The following WASL variants were observed in gnomAD, a reference collection of about 807,000 sequenced individuals.
The protein encoded by WASL is actin nucleation-promoting factor WASL.
WASL carries 20 observed loss-of-function variants against 55.5 expected under a neutral mutation model. That is an observed-to-expected ratio of 0.36 (90% CI 0.25 to 0.52). WASL has a LOEUF of 0.52. WASL is among the 20% of genes least tolerant of loss of function. The pLI is 0.92. For missense variants in WASL, 504 were observed against 622.5 expected (o/e 0.81, Z 2.03); for synonymous variants, 249 against 217.6 (o/e 1.14, Z -1.27).
intron 5 of WASL, among the ~76,000 whole-genome samples, chr7:123,700,814 A>T (rs964722366): frequency 2.6e-5 from 4 of 152,230 alleles, no homozygotes; most frequent in Non-Finnish European, 4.4e-5. Flanking sequence ...TACAAATGTC[A>T]TAATACATTC....
intron 7 of WASL, 23 bp downstream of exon 7, chr7:123,695,800 A>G (rs1167440826): frequency 3.7e-6 from 6 of 1,610,198 alleles, no homozygotes; most frequent in Middle Eastern, 3.3e-4. Context: ...GTTATAACGT[A>G]TATGATTTGA....
At chr7:123,703,799 T>C (rs984478145) in intron 5 of WASL, among the ~76,000 whole-genome samples, 1 of 152,210 alleles carries the variant, frequency 6.6e-6, no homozygotes, top group African/African-American at 2.4e-5. Context: ...TAGGTTCTGA[T>C]AAGAGGATTT....
chr7:123,734,603 A>C (rs1804195735), intron 1 of WASL, among the ~76,000 whole-genome samples: 1 of 151,268 alleles, frequency 6.6e-6, no homozygotes. Context: ...AAAAAAAAAA[A>C]AAAAAAAAAA....
intron 5 of WASL, among the ~76,000 whole-genome samples, chr7:123,700,509 C>T (rs1165337454): frequency 6.6e-6 from 1 of 151,710 alleles, no homozygotes; most frequent in African/African-American, 2.4e-5. Flanking sequence ...GGCGCCATCT[C>T]GGCTCACTGC....
At chr7:123,738,333 T>C (rs566702710) in intron 1 of WASL, among the ~76,000 whole-genome samples, 19 of 152,288 alleles carry the variant, frequency 1.2e-4, no homozygotes, top group Middle Eastern at 6.8e-3. Context: ...TTAAAGAGAA[T>C]AGCACTTTAG....
intron 5 of WASL, among the ~76,000 whole-genome samples, chr7:123,701,620 G>A (rs1263818461): frequency 6.6e-6 from 1 of 152,122 alleles, no homozygotes; most frequent in Non-Finnish European, 1.5e-5. Context: ...GAAAAGGTGT[G>A]GTAAACTGAT....
rs1339088897 is a variant in WASL at position 123,748,603 on chromosome 7, G to A, written c.117+15C>T. 5 of 1,612,304 alleles carry A rather than the reference G, an allele frequency of 3.1e-6. No individual in the cohort carries two copies. Among genetic ancestry groups the A allele is most frequent in the Non-Finnish European group, 4.2e-6 (5 of 1,178,896 alleles). On this transcript the variant is annotated intron_variant, in intron 1 of 10. Transcript: ENST00000223023. ...GGTAATGTCACGGGTGGCGACGCGG[G>A]TCTCGTCCACTGACCACACATTTCT...
At chr7:123,712,774 A>G (rs888978376) in intron 1 of WASL, among the ~76,000 whole-genome samples, 10 of 151,802 alleles carry the variant, frequency 6.6e-5, no homozygotes, top group African/African-American at 1.9e-4. Context: ...AACTAAGAAA[A>G]CTCCCACTTC....
At chr7:123,707,858 T>C (rs558316995) in intron 2 of WASL, among the ~76,000 whole-genome samples, 1 of 152,288 alleles carries the variant, frequency 6.6e-6, no homozygotes, top group African/African-American at 2.4e-5. Flanking sequence ...AAGCATGTCA[T>C]ATCTCTCAGC....
In WASL at chr7:123,696,738, A is replaced by G. The variant is rs1803498854; in HGVS notation, c.470T>C (p.Leu157Pro). 6.4e-7 allele frequency: 1 copy of G among 1,563,066 alleles called. No homozygotes were observed. The highest frequency in any genetic ancestry group is 1.7e-4 in the Middle Eastern group (1 of 5,890). The change falls in exon 6 of 11, where the codon CTA (leucine) becomes CCA (proline). Residue 157 changes from leucine to proline, a missense_variant. By Grantham distance (98) the Leu-to-Pro change is moderately conservative. This residue lies in a region of WASL where 230 missense variants were observed against 271.9 expected (regional missense o/e 0.85). Coordinates refer to ENST00000223023, the MANE Select transcript of WASL (RefSeq NM_003941.4). ...TTTTATATCAACTGTAGCCATGGGTAGATTAGGACCTGCAAATAAAACCAA... is the reference window on the plus strand; with the variant it reads ...TTTTATATCAACTGTAGCCATGGGTGGATTAGGACCTGCAAATAAAACCAA... ...KRRDPPNGPN[L>P]PMATVDIKNP...
At chr7:123,747,116 G>GA (rs746603052) in intron 1 of WASL, among the ~76,000 whole-genome samples, 37 of 150,926 alleles carry the variant, frequency 2.5e-4, no homozygotes, top group East Asian at 5.8e-4. Flanking sequence ...TCAGTAACAG[G>GA]AAAAAAAAAT....
intron 1 of WASL, among the ~76,000 whole-genome samples, chr7:123,723,934 A>C (rs904473281): frequency 1.2e-4 from 18 of 152,196 alleles, no homozygotes; most frequent in African/African-American, 4.3e-4. Flanking sequence ...GTATATTCTC[A>C]TATCTCTGAA....
intron 9 of WASL, among the ~76,000 whole-genome samples, chr7:123,691,411 A>T (rs759891925): frequency 2.6e-5 from 4 of 152,190 alleles, no homozygotes; most frequent in Non-Finnish European, 4.4e-5. Context: ...AACTATCTAA[A>T]AATTAAGCTT....
In WASL at chr7:123,700,127, A is replaced by C. The variant is rs1803556208; in HGVS notation, c.461-3380T>G. 2.3e-5 allele frequency among the ~76,000 whole-genome samples: 3 copies of C among 129,854 alleles called. No homozygotes were observed. In the Admixed American group the frequency reaches 2.8e-4, roughly 12 times the overall value. The allele number at this position is 129,854 out of a possible 152,430, so 85.2% of individuals were successfully genotyped here. ...GGAGGAGGAGCTTGCAGTGAGTCGAAATAGCGCCACTGCACTCCAGCCTGG... is the reference window on the plus strand; with the variant it reads ...GGAGGAGGAGCTTGCAGTGAGTCGACATAGCGCCACTGCACTCCAGCCTGG... On this transcript the variant is annotated intron_variant, in intron 5 of 10. Transcript: ENST00000223023.
chr7:123,700,975 ATTTAC>A (rs1803580059), intron 5 of WASL, among the ~76,000 whole-genome samples: 1 of 152,170 alleles, frequency 6.6e-6, no homozygotes, highest in African/African-American at 2.4e-5. Context: ...GACAATGGTT[ATTTAC>A]TTTAGAGTTT....
chr7:123,688,827 G>A (rs772381265), intron 10 of WASL, among the ~76,000 whole-genome samples: 3 of 152,150 alleles, frequency 2.0e-5, no homozygotes, highest in Admixed American at 1.3e-4. Context: ...GGCTGTGGTG[G>A]TGTTGCATTT....
rs1216628888 is a variant in WASL, at chr7:123,709,310, C to T, written c.118-87G>A. ...TGCTGACAGCTTGACCGCAACCACC[C>T]AGCTAAGCTGCTCCTAAATTCCTGA... On this transcript the variant is annotated intron_variant, in intron 1 of 10. Coordinates refer to ENST00000223023, the MANE Select transcript of WASL (RefSeq NM_003941.4). 5 of 1,122,592 alleles carry T rather than the reference C, an allele frequency of 4.5e-6. No homozygotes were observed. In the Admixed American group the frequency reaches 1.2e-4, roughly 27 times the overall value. The allele number at this position is 1,122,592 out of a possible 1,614,324, so 69.5% of individuals were successfully genotyped here.
intron 5 of WASL, among the ~76,000 whole-genome samples, chr7:123,698,295 G>A (rs925492708): frequency 6.7e-6 from 1 of 150,284 alleles, no homozygotes; most frequent in African/African-American, 2.4e-5. Context: ...CAACTTGACT[G>A]TTATTCTTTA....
At chr7:123,693,260 TA>T (rs34365768) in intron 8 of WASL, among the ~76,000 whole-genome samples, 1 of 152,184 alleles carries the variant, frequency 6.6e-6, no homozygotes, top group Non-Finnish European at 1.5e-5. Context: ...CTTCCCTCTT[TA>T]AAAAAGAATC....
Sources: gnomAD v4.1 joint callset for allele counts (sites outside exome capture counted in the v4.1 genomes callset) on GRCh38, gnomAD v4.1.1 for gene constraint, gnomAD v4.1.1 regional missense constraint, MANE v1.5 for transcripts, NCBI Gene and HGNC (gene_info 2026-07-23, HGNC 2026-07-21) for gene names.